Variants in STAG2 observed in about 807,000 individuals in gnomAD.
The protein encoded by STAG2 is cohesin subunit SA-2.
In STAG2, 14 loss-of-function variants were observed where a neutral mutation model predicts 108.1. The ratio of observed to expected loss-of-function variants is 0.13; its 90% CI spans 0.09 to 0.20. The LOEUF is 0.20. Among genes scored for constraint, STAG2 ranks in the 10% least tolerant of loss-of-function variants. The pLI is 1.00. For synonymous variants in STAG2, 307 were observed against 302.7 expected (o/e 1.01, Z -0.15); for missense variants, 440 against 940.9 (o/e 0.47, Z 6.96).
At position 124,064,054 on chromosome X, in the gene STAG2, A is replaced by G. The variant is rs189583780; in HGVS notation, c.2025+3A>G. 8.5e-7 allele frequency: 1 copy of G among 1,181,579 alleles called. No individual in the cohort carries two copies. The highest frequency in any genetic ancestry group is 3.0e-5 in the East Asian group (1 of 33,460). ...TTCTTGAAGATTTTCTGCAAGAGGT[A>G]TATATTATAACTATTACAAGTATTT... On this transcript the variant is annotated splice_donor_region_variant and intron_variant, in intron 20 of 34. Coordinates refer to ENST00000371145, the MANE Select transcript of STAG2 (RefSeq NM_001042750.2).
At chrX:124,026,907 G>A (rs1378772530) in intron 4 of STAG2, among the ~76,000 whole-genome samples, 1 of 109,367 alleles carries the variant, frequency 9.1e-6, no homozygotes, top group Non-Finnish European at 1.9e-5. Context: ...TGTTTTTTTG[G>A]AGATGGGGTC....
chrX:124,069,931 C>T (rs2058625997), intron 24 of STAG2, among the ~76,000 whole-genome samples: 1 of 111,432 alleles, frequency 9.0e-6, no homozygotes, highest in African/African-American at 3.3e-5. Flanking sequence ...AAACCTAATG[C>T]ACGAAATATT....
intron 30 of STAG2, 32 bp downstream of exon 30, chrX:124,086,802 T>C (rs2148468021): frequency 9.6e-7 from 1 of 1,037,902 alleles, no homozygotes; most frequent in Non-Finnish European, 1.3e-6. Context: ...TTTATATTTA[T>C]CCCTAATGTT....
In STAG2 at chrX:124,078,096, A is replaced by G. The variant is rs747463766; in HGVS notation, c.2775+38A>G. On this transcript the variant is annotated intron_variant, in intron 27 of 34. Coordinates refer to ENST00000371145, the MANE Select transcript of STAG2 (RefSeq NM_001042750.2). ...AGTACCAACTTTAGCTAACACAATT[A>G]ACACCTAATAGTTAGCAAAATAAGG... The G allele has an allele frequency of 1.7e-5, 17 of 986,319 alleles. No individual in the cohort carries two copies. The Middle Eastern group carries it at 7.8e-4, about 45-fold the overall frequency. The allele number at this position is 986,319 out of a possible 1,213,427, so 81.3% of individuals were successfully genotyped here.
In STAG2 at chrX:124,086,765, C is replaced by T. The variant is rs748396636; in HGVS notation, c.3272C>T (p.Ser1091Leu). 8.5e-7 allele frequency: 1 copy of T among 1,182,747 alleles called. No homozygotes were observed. The highest frequency in any genetic ancestry group is 1.1e-6 in the Non-Finnish European group (1 of 877,206). Reference protein sequence around the residue: ...KRKVVEGMQLSLTEESSSSDS... With the variant: ...KRKVVEGMQLLLTEESSSSDS... ...AAAGTGGTTGAGGGCATGCAGCTTT[C>T]ACTCAGTAAGGATATAATTTATTCT... The change falls in exon 30 of 35, where the codon TCA becomes TTA. Residue 1091 changes from serine to leucine, a missense_variant. Coordinates refer to ENST00000371145, the MANE Select transcript of STAG2 (RefSeq NM_001042750.2).
intron 21 of STAG2, 69 bp downstream of exon 21, chrX:124,066,015 T>A: frequency 9.9e-7 from 1 of 1,013,904 alleles, no homozygotes. Flanking sequence ...TTGTGGGTTA[T>A]GTTAATTTCT....
chrX:124,009,435 G>GA (rs1569501942), intron 1 of STAG2, among the ~76,000 whole-genome samples: 10,964 of 70,258 alleles, frequency 0.16, 1,024 homozygotes, highest in Admixed American at 0.25. Flanking sequence ...AGGTAGGTAG[G>GA]TAGGTAGGTA....
At chrX:123,972,566 C>T (rs77027579) in intron 1 of STAG2, among the ~76,000 whole-genome samples, 3,740 of 109,828 alleles carry the variant, frequency 0.034, 63 homozygotes, top group Non-Finnish European at 0.048. Context: ...CCACCGCGCC[C>T]GGCCAATTTT....
At chrX:124,056,782 A>G (rs1456205027) in intron 14 of STAG2, among the ~76,000 whole-genome samples, 1 of 108,844 alleles carries the variant, frequency 9.2e-6, no homozygotes, top group Non-Finnish European at 1.9e-5. Flanking sequence ...CTTTCAGTAA[A>G]CATGCTTAGA....
Position 123,969,067 on chromosome X carries a change from C to T in STAG2, c.-163+7211C>T, listed in dbSNP as rs944550588. On this transcript the variant is annotated intron_variant, in intron 1 of 34. Transcript: ENST00000371145. The stretch of plus-strand genomic sequence containing the variant: ...ATTTTAATTTTACAAAATCAAGATT[C>T]TTTTTCATGTATAGTGCAAGGTAAA... Among the ~76,000 whole-genome samples the T allele has an allele frequency of 3.6e-5, 4 of 112,080 alleles. No homozygotes were observed. In the Admixed American group the frequency reaches 3.8e-4, roughly 11 times the overall value.
chrX:124,050,092 A>G, intron 10 of STAG2, 94 bp from the exon 11 acceptor site: 6 of 977,936 alleles, frequency 6.1e-6, no homozygotes, highest in Non-Finnish European at 8.4e-6. Flanking sequence ...TCATATTCAT[A>G]GTAGATCTGA....
intron 8 of STAG2, among the ~76,000 whole-genome samples, chrX:124,046,968 T>C (rs376773988): frequency 1.7e-4 from 19 of 111,887 alleles, no homozygotes; most frequent in African/African-American, 5.5e-4. Context: ...AGGTGAATCA[T>C]GATCTATGAA....
chrX:124,009,435 G>GATAGA (rs1569501942), intron 1 of STAG2, among the ~76,000 whole-genome samples: 6,311 of 70,431 alleles, frequency 0.09, 325 homozygotes, highest in Middle Eastern at 0.12. Context: ...AGGTAGGTAG[G>GATAGA]TAGGTAGGTA....
chrX:124,025,903 G>A lies in STAG2; in HGVS notation c.108G>A (p.Lys36=), dbSNP rs2057078318. ...DFEDIEGKNQ[K]QGKGKTCKKG... ...AAGATATCGAAGGAAAAAACCAAAA[G>A]CAAGGCAAAGGCAAAGTATGTATCA... Residue 36 remains lysine (K), a synonymous_variant, in exon 4 of 35, where the codon AAG becomes AAA. Transcript: ENST00000371145. 2 of 1,180,936 alleles carry A rather than the reference G, an allele frequency of 1.7e-6. No individual in the cohort carries two copies. The highest frequency in any genetic ancestry group is 1.8e-5 in the African/African-American group (1 of 55,979).
intron 6 of STAG2, among the ~76,000 whole-genome samples, chrX:124,042,197 G>A (rs2057740917): frequency 9.1e-6 from 1 of 110,464 alleles, no homozygotes; most frequent in Non-Finnish European, 1.9e-5. Context: ...CATCCCCAAG[G>A]TTTTAAGTGT....
At chrX:124,014,771 C>A (rs762982189) in intron 1 of STAG2, among the ~76,000 whole-genome samples, 1 of 110,651 alleles carries the variant, frequency 9.0e-6, no homozygotes, top group South Asian at 3.8e-4. Context: ...TCCAGGCATG[C>A]CTTCTCTGGT....
intron 20 of STAG2, among the ~76,000 whole-genome samples, chrX:124,064,547 G>A (rs1397053992): frequency 2.8e-5 from 3 of 108,406 alleles, no homozygotes; most frequent in East Asian, 2.9e-4. Flanking sequence ...AGGTTCAAGC[G>A]ATTCTCCGGC....
chrX:124,059,375 T>C (rs189499792), intron 15 of STAG2, among the ~76,000 whole-genome samples: 21 of 112,331 alleles, frequency 1.9e-4, no homozygotes, highest in African/African-American at 6.5e-4. Context: ...TATTTCGACA[T>C]TAATTACATT....
chrX:123,972,514 G>A (rs1007250183), intron 1 of STAG2, among the ~76,000 whole-genome samples: 12 of 108,512 alleles, frequency 1.1e-4, no homozygotes, highest in East Asian at 8.9e-4. Flanking sequence ...CTCGTGATCC[G>A]CCCGCCTCGG....
Sources: gnomAD v4.1 joint callset for allele counts (sites outside exome capture counted in the v4.1 genomes callset) on GRCh38, gnomAD v4.1.1 for gene constraint, MANE v1.5 for transcripts, NCBI Gene and HGNC (gene_info 2026-07-23, HGNC 2026-07-21) for gene names.